INTS7: variants seen among roughly 807,000 people sequenced by gnomAD.
INTS7 encodes integrator complex subunit 7, also known as chromosome 1 open reading frame 73.
INTS7 carries 46 observed loss-of-function variants against 109.2 expected under a neutral mutation model. The ratio of observed to expected loss-of-function variants is 0.42; its 90% CI spans 0.33 to 0.54. The LOEUF is 0.54. Ranked by LOEUF, INTS7 falls within the 20% of genes least tolerant of loss-of-function variation. The pLI, the probability that INTS7 is intolerant of heterozygous loss-of-function variation, is 0.07. For synonymous variants in INTS7, 412 were observed against 402.9 expected (o/e 1.02, Z -0.27); for missense variants, 929 against 1,132.4 (o/e 0.82, Z 2.58).
chr1:211,955,390 TCTC>T (rs376758013), intron 16 of INTS7, among the ~76,000 whole-genome samples: 10 of 152,288 alleles, frequency 6.6e-5, no homozygotes, highest in Admixed American at 1.3e-4. Flanking sequence ...TTTATTTCCT[TCTC>T]CTGCCTGACT....
At chr1:211,980,773 A>C (rs1435335137) in intron 10 of INTS7, among the ~76,000 whole-genome samples, 1 of 152,130 alleles carries the variant, frequency 6.6e-6, no homozygotes, top group Non-Finnish European at 1.5e-5. Flanking sequence ...GCATATCTCT[A>C]AGATGATTTC....
At chr1:211,961,301 GA>G (rs1663614394) in intron 16 of INTS7, among the ~76,000 whole-genome samples, 1 of 149,612 alleles carries the variant, frequency 6.7e-6, no homozygotes, top group Admixed American at 6.6e-5. Flanking sequence ...AGGTCGCAAT[GA>G]AAAAAGAAAA....
intron 9 of INTS7, among the ~76,000 whole-genome samples, chr1:211,982,116 T>G (rs1193224467): frequency 6.6e-6 from 1 of 152,210 alleles, no homozygotes; most frequent in Non-Finnish European, 1.5e-5. Flanking sequence ...ATGCATTTCT[T>G]GTTCTTGAAC....
chr1:212,024,180 G>A (rs1666822846), intron 1 of INTS7, among the ~76,000 whole-genome samples: 1 of 152,010 alleles, frequency 6.6e-6, no homozygotes, highest in Non-Finnish European at 1.5e-5. Flanking sequence ...GATTGGTTTG[G>A]CTATTTACGC....
At chr1:211,987,791 G>A (rs1188770724) in intron 8 of INTS7, 95 bp downstream of exon 8, 4 of 618,018 alleles carry the variant, frequency 6.5e-6, no homozygotes, top group Non-Finnish European at 1.1e-5. Flanking sequence ...TTTTTTCCCT[G>A]ATGTTAAAGC....
rs1343818797 is a variant in INTS7 at position 212,021,515 on chromosome 1, T to G, written c.95-303A>C. 3.9e-5 allele frequency among the ~76,000 whole-genome samples: 6 copies of G among 151,912 alleles called. No homozygotes were observed. The East Asian group carries it at 1.2e-3, about 29-fold the overall frequency. ...GACTGAAATCATACAACGTATGTTT[T>G]CTGACCACATGGAATTAAATTAGAA... On this transcript the variant is annotated intron_variant, in intron 1 of 19. Transcript: ENST00000366994.
intron 4 of INTS7, among the ~76,000 whole-genome samples, chr1:212,015,789 A>G (rs2102483313): frequency 6.6e-6 from 1 of 151,234 alleles, no homozygotes; most frequent in African/African-American, 2.4e-5. Context: ...CCTGGTTATA[A>G]AACTGGAACT....
chr1:211,948,821 C>T (rs1662956943), intron 17 of INTS7, among the ~76,000 whole-genome samples: 2 of 152,252 alleles, frequency 1.3e-5, no homozygotes, highest in Non-Finnish European at 2.9e-5. Flanking sequence ...AATTCTCCAG[C>T]ATCAGCCTCC....
Position 211,976,614 on chromosome 1 carries a change from C to T in INTS7, c.1576G>A (p.Val526Ile). Residue 526 changes from valine (V) to isoleucine (I), a missense_variant, in exon 12 of 20, where the codon GTA becomes ATA. By Grantham distance (29) the Val-to-Ile change is conservative (BLOSUM62 3). This residue lies in a region of INTS7 where 787 missense variants were observed against 901.1 expected (regional missense o/e 0.87). Coordinates refer to ENST00000366994, the MANE Select transcript of INTS7 (RefSeq NM_015434.4). ...QLESVSNGWTVYRIARQASRM... is the reference protein window; with the variant it reads ...QLESVSNGWTIYRIARQASRM... ...GAAGCCTGTCTGGCAATACGGTATA[C>T]AGTCCATCCATTGGAGACACTTTCA... The T allele has an allele frequency of 1.2e-6, 2 of 1,613,954 alleles. No individual in the cohort carries two copies. Among genetic ancestry groups the T allele is most frequent in the African/African-American group, 2.7e-5 (2 of 75,050 alleles).
chr1:211,999,084 C>G (rs1229261020), intron 7 of INTS7, among the ~76,000 whole-genome samples: 2 of 152,120 alleles, frequency 1.3e-5, no homozygotes, highest in African/African-American at 2.4e-5. Flanking sequence ...CAGTTTCTTA[C>G]AAAGTTAAAC....
At chr1:211,982,937 C>T in intron 8 of INTS7, 127 bp from the exon 9 acceptor site, 2 of 623,272 alleles carry the variant, frequency 3.2e-6, no homozygotes, top group Admixed American at 6.3e-5. Flanking sequence ...AAATTTCCTA[C>T]CACAATCCCA....
chr1:211,980,165 CAT>C (rs368419989), intron 10 of INTS7, among the ~76,000 whole-genome samples: 167 of 152,290 alleles, frequency 1.1e-3, no homozygotes, highest in African/African-American at 3.9e-3. Flanking sequence ...TTGCCAAACA[CAT>C]GTTGTCTACT....
intron 7 of INTS7, among the ~76,000 whole-genome samples, chr1:211,998,860 G>T (rs1431610735): frequency 6.6e-6 from 1 of 151,920 alleles, no homozygotes; most frequent in South Asian, 2.1e-4. Context: ...ATTAGAATAG[G>T]CACTTCACTG....
chr1:211,943,423 A>G (rs1458332775), intron 19 of INTS7, among the ~76,000 whole-genome samples: 2 of 152,160 alleles, frequency 1.3e-5, no homozygotes, highest in Admixed American at 6.5e-5. Flanking sequence ...ATTCAAAGTG[A>G]AGAGAGAGTT....
rs369091940 is a variant in INTS7, at chr1:212,027,961, G to C, written c.95-6749C>G. Among the ~76,000 whole-genome samples, 24 of 152,198 alleles carry C rather than the reference G, an allele frequency of 1.6e-4. No individual in the cohort carries two copies. The East Asian group carries it at 4.2e-3, about 27-fold the overall frequency. On this transcript the variant is annotated intron_variant, in intron 1 of 19. Coordinates refer to ENST00000366994, the MANE Select transcript of INTS7 (RefSeq NM_015434.4). ...TGTGACTCAGCCTGCCGAGTAGCTG[G>C]GATTATAGGCGTGCACCATCACACC...
intron 5 of INTS7, among the ~76,000 whole-genome samples, 181 bp downstream of exon 5, chr1:212,011,194 A>G (rs911750882): frequency 1.3e-5 from 2 of 152,158 alleles, no homozygotes; most frequent in African/African-American, 2.4e-5. Context: ...GATGGGGGTA[A>G]GGACTTTGTT....
intron 4 of INTS7, among the ~76,000 whole-genome samples, chr1:212,016,124 T>C (rs1292263668): frequency 2.6e-5 from 4 of 152,234 alleles, no homozygotes; most frequent in Non-Finnish European, 5.9e-5. Context: ...TTTAGGTTGC[T>C]TCTCATTTCT....
At chr1:211,966,394 T>C in intron 16 of INTS7, 36 bp downstream of exon 16, 1 of 1,170,390 alleles carries the variant, frequency 8.5e-7, no homozygotes, top group Non-Finnish European at 1.3e-6. Flanking sequence ...ATAGAAAGTG[T>C]TCTGTAACGC....
intron 1 of INTS7, among the ~76,000 whole-genome samples, chr1:212,033,824 G>A (rs1345307407): frequency 3.3e-5 from 5 of 152,212 alleles, no homozygotes; most frequent in Admixed American, 6.5e-5. Flanking sequence ...GCTCATGCCT[G>A]TAAATCCCAG....
Sources: gnomAD v4.1 joint callset for allele counts (sites outside exome capture counted in the v4.1 genomes callset) on GRCh38, gnomAD v4.1.1 for gene constraint, gnomAD v4.1.1 regional missense constraint, MANE v1.5 for transcripts, NCBI Gene and HGNC (gene_info 2026-07-23, HGNC 2026-07-21) for gene names.